CSRNP3: variants seen among roughly 807,000 people sequenced by gnomAD.
CSRNP3 encodes the protein cysteine and serine rich nuclear protein 3.
A neutral mutation model predicts 48.0 loss-of-function variants in CSRNP3; 12 were observed. The ratio of observed to expected loss-of-function variants is 0.25; its 90% CI spans 0.16 to 0.41. CSRNP3 has a LOEUF of 0.41. Ranked by LOEUF, CSRNP3 falls within the 10% of genes least tolerant of loss-of-function variation. The pLI is 1.00. For synonymous variants in CSRNP3, 263 were observed against 269.7 expected (o/e 0.98, Z 0.24); for missense variants, 580 against 724.4 (o/e 0.80, Z 2.29).
chr2:165,585,228 A>T (rs1344676180), intron 3 of CSRNP3, among the ~76,000 whole-genome samples: 3 of 147,114 alleles, frequency 2.0e-5, no homozygotes, highest in East Asian at 3.9e-4. Flanking sequence ...TTTTTTTTTT[A>T]ACTGAGTTCT....
chr2:165,583,085 G>A (rs916452505), intron 3 of CSRNP3, among the ~76,000 whole-genome samples: 2 of 152,170 alleles, frequency 1.3e-5, no homozygotes, highest in African/African-American at 4.8e-5. Context: ...TTTTCACATT[G>A]GTAGTGCCCC....
intron 4 of CSRNP3, among the ~76,000 whole-genome samples, chr2:165,630,475 G>A (rs550701842): frequency 3.9e-5 from 6 of 152,036 alleles, no homozygotes; most frequent in African/African-American, 1.2e-4. Flanking sequence ...GCCATCTCCC[G>A]ACTTCCCCAT....
chr2:165,648,807 G>A (rs1013929485), intron 4 of CSRNP3, among the ~76,000 whole-genome samples: 9 of 152,188 alleles, frequency 5.9e-5, no homozygotes, highest in Non-Finnish European at 1.3e-4. Flanking sequence ...GAAGGTCAAA[G>A]TGTGTGTTAA....
At chr2:165,599,317 G>GAAAGAAAGA (rs1289969567) in intron 4 of CSRNP3, among the ~76,000 whole-genome samples, 16 of 146,474 alleles carry the variant, frequency 1.1e-4, no homozygotes, top group African/African-American at 4.0e-4. Flanking sequence ...AAGAAAGAAA[G>GAAAGAAAGA]AAAGAAAGAA....
intron 1 of CSRNP3, among the ~76,000 whole-genome samples, chr2:165,490,953 T>C (rs1226990226): frequency 7.2e-6 from 1 of 139,438 alleles, no homozygotes; most frequent in Non-Finnish European, 1.6e-5. Context: ...ACAAATGGGA[T>C]CTATTTAAAC....
At chr2:165,482,890 C>T (rs1003285906) in intron 1 of CSRNP3, among the ~76,000 whole-genome samples, 2 of 152,012 alleles carry the variant, frequency 1.3e-5, no homozygotes, top group African/African-American at 4.8e-5. Flanking sequence ...CCATCTTTAC[C>T]TTCAAGAAAC....
intron 4 of CSRNP3, among the ~76,000 whole-genome samples, chr2:165,613,258 T>A (rs919275720): frequency 6.6e-6 from 1 of 152,168 alleles, no homozygotes; most frequent in African/African-American, 2.4e-5. Flanking sequence ...CTGACCATTT[T>A]TAATTGGATT....
chr2:165,607,457 G>A (rs1686050629), intron 4 of CSRNP3, among the ~76,000 whole-genome samples: 1 of 152,072 alleles, frequency 6.6e-6, no homozygotes. Context: ...AGTCTTAAAA[G>A]TAGGGACCCA....
intron 1 of CSRNP3, among the ~76,000 whole-genome samples, chr2:165,473,638 C>G (rs575481289): frequency 6.6e-6 from 1 of 152,216 alleles, no homozygotes; most frequent in African/African-American, 2.4e-5. Flanking sequence ...TGGTTCAAAG[C>G]AGCATTATTG....
chr2:165,627,907 G>A (rs1465284907), intron 4 of CSRNP3, among the ~76,000 whole-genome samples: 1 of 152,152 alleles, frequency 6.6e-6, no homozygotes, highest in Non-Finnish European at 1.5e-5. Context: ...GCTGCCTCTT[G>A]AACCCATTCT....
chr2:165,574,374 T>C (rs1356066994), intron 3 of CSRNP3: 2 of 1,550,238 alleles, frequency 1.3e-6, no homozygotes, highest in African/African-American at 1.4e-5. Flanking sequence ...GTGTGCTTTA[T>C]TTCTGAGAGT....
At chr2:165,540,458 T>G (rs777832183) in intron 3 of CSRNP3, among the ~76,000 whole-genome samples, 1 of 152,072 alleles carries the variant, frequency 6.6e-6, no homozygotes, top group Non-Finnish European at 1.5e-5. Flanking sequence ...ATCTTAATTC[T>G]ATGAGAAACA....
intron 3 of CSRNP3, among the ~76,000 whole-genome samples, chr2:165,579,847 T>C (rs1294604035): frequency 6.6e-6 from 1 of 151,856 alleles, no homozygotes; most frequent in Non-Finnish European, 1.5e-5. Context: ...AATAGTAGCA[T>C]ACCTAGAAGT....
intron 3 of CSRNP3, among the ~76,000 whole-genome samples, chr2:165,520,750 A>C (rs1242344399): frequency 9.0e-6 from 1 of 110,728 alleles, no homozygotes; most frequent in Non-Finnish European, 1.8e-5. Flanking sequence ...TAGATATATA[A>C]ATAGATATAT....
chr2:165,472,600 C>T (rs1683909481), intron 1 of CSRNP3, among the ~76,000 whole-genome samples: 2 of 151,864 alleles, frequency 1.3e-5, no homozygotes, highest in Non-Finnish European at 1.5e-5. Context: ...ATCCCATACA[C>T]CATTTTTTTC....
intron 3 of CSRNP3, among the ~76,000 whole-genome samples, chr2:165,588,633 T>G (rs1359912069): frequency 6.6e-6 from 1 of 152,152 alleles, no homozygotes; most frequent in African/African-American, 2.4e-5. Context: ...CAACTTTACC[T>G]CTGTTCTTTG....
At chr2:165,605,209 T>C (rs1249577285) in intron 4 of CSRNP3, among the ~76,000 whole-genome samples, 1 of 152,112 alleles carries the variant, frequency 6.6e-6, no homozygotes, top group Non-Finnish European at 1.5e-5. Context: ...ACTCCCTTCC[T>C]ATGCTTGAGC....
At chr2:165,663,418 A>C (rs1687129583) in intron 5 of CSRNP3, among the ~76,000 whole-genome samples, 1 of 152,156 alleles carries the variant, frequency 6.6e-6, no homozygotes, top group South Asian at 2.1e-4. Flanking sequence ...TTTAACATCA[A>C]ATGGAAAACT....
intron 3 of CSRNP3, among the ~76,000 whole-genome samples, chr2:165,545,897 A>G (rs1434656999): frequency 6.6e-6 from 1 of 152,222 alleles, no homozygotes; most frequent in African/African-American, 2.4e-5. Context: ...TAATATTTGA[A>G]TGATAATTTA....
Sources: gnomAD v4.1 joint callset for allele counts (sites outside exome capture counted in the v4.1 genomes callset) on GRCh38, gnomAD v4.1.1 for gene constraint, MANE v1.5 for transcripts, NCBI Gene and HGNC (gene_info 2026-07-23, HGNC 2026-07-21) for gene names.